Variants in TCF4 observed in about 807,000 individuals in gnomAD.
TCF4 encodes the protein transcription factor 4, also known as SL3-3 enhancer factor 2.
TCF4 carries 3 observed loss-of-function variants against 82.1 expected under a neutral mutation model. The observed-to-expected ratio is 0.04, with a 90% CI of 0.02 to 0.09. The LOEUF (loss-of-function observed/expected upper bound fraction) is 0.09. TCF4 is among the 10% of genes least tolerant of loss of function. TCF4 has a pLI of 1.00. For missense variants in TCF4, 518 were observed against 852.7 expected (o/e 0.61, Z 4.89); for synonymous variants, 276 against 309.6 (o/e 0.89, Z 1.14).
intron 5 of TCF4, among the ~76,000 whole-genome samples, chr18:55,424,733 T>C (rs776746048): frequency 6.6e-6 from 1 of 152,234 alleles, no homozygotes; most frequent in Non-Finnish European, 1.5e-5. Context: ...TCATGTCTTC[T>C]TCCTTAAGTC....
intron 6 of TCF4, among the ~76,000 whole-genome samples, chr18:55,369,974 C>T (rs578033515): frequency 1.2e-3 from 184 of 152,248 alleles, no homozygotes; most frequent in African/African-American, 4.3e-3. Context: ...AGGGAAGCTG[C>T]CACTGCCTCC....
At chr18:55,599,991 G>A (rs1400421619) in intron 2 of TCF4, among the ~76,000 whole-genome samples, 2 of 152,212 alleles carry the variant, frequency 1.3e-5, no homozygotes, top group East Asian at 3.9e-4. Context: ...ACTCCATGTG[G>A]CTTCTGTCAC....
chr18:55,422,105 A>T, intron 5 of TCF4: 1 of 727,068 alleles, frequency 1.4e-6, no homozygotes, highest in African/African-American at 1.9e-5. Flanking sequence ...AAGCACAAAA[A>T]AAAAAAAACC....
intron 2 of TCF4, among the ~76,000 whole-genome samples, chr18:55,616,794 TC>T (rs2097712601): frequency 6.6e-6 from 1 of 152,122 alleles, no homozygotes; most frequent in Non-Finnish European, 1.5e-5. Context: ...AAGTACTTTT[TC>T]TTGCTATTGT....
intron 8 of TCF4, among the ~76,000 whole-genome samples, chr18:55,328,183 A>AT (rs1378595027): frequency 6.6e-6 from 1 of 152,112 alleles, no homozygotes; most frequent in Non-Finnish European, 1.5e-5. Context: ...TCCTTCCTCA[A>AT]TTTTTTGCAA....
At chr18:55,626,663 G>C (rs1464582118) in intron 2 of TCF4, among the ~76,000 whole-genome samples, 2 of 152,158 alleles carry the variant, frequency 1.3e-5, no homozygotes, top group African/African-American at 4.8e-5. Context: ...GCTTGACCAG[G>C]AGTGTAAAAG....
upstream of TCF4, chr18:55,588,494 T>A (rs2097674448): frequency 6.5e-7 from 1 of 1,535,272 alleles, no homozygotes. Flanking sequence ...GATCGTCAGT[T>A]ACAATCTGAA....
chr18:55,615,831 G>C (rs943418209), intron 2 of TCF4, among the ~76,000 whole-genome samples: 1 of 152,016 alleles, frequency 6.6e-6, no homozygotes, highest in Non-Finnish European at 1.5e-5. Flanking sequence ...AACCAGCCTT[G>C]AATTCCTGGA....
chr18:55,341,342 G>A (rs1200388924), intron 8 of TCF4, among the ~76,000 whole-genome samples: 1 of 152,122 alleles, frequency 6.6e-6, no homozygotes, highest in African/African-American at 2.4e-5. Flanking sequence ...CATCTCACAG[G>A]ATTTTTATAG....
In TCF4 at chr18:55,228,370, G is replaced by A; in HGVS notation, c.1880-9C>T. 1 of 1,613,604 alleles carries A rather than the reference G, an allele frequency of 6.2e-7. No individual in the cohort carries two copies. Among genetic ancestry groups the A allele is most frequent in the Middle Eastern group, 1.7e-4 (1 of 6,060 alleles). The stretch of plus-strand genomic sequence containing the variant: ...CGGATTCAGATTCCTTTCTGTGGAG[G>A]ATTAAAGCACAGAACCTTTGTTTAA... On this transcript the variant is annotated splice_polypyrimidine_tract_variant and intron_variant, in intron 18 of 19. Coordinates refer to ENST00000354452, the MANE Select transcript of TCF4 (RefSeq NM_001083962.2).
At chr18:55,449,997 T>C (rs959722067) in intron 5 of TCF4, among the ~76,000 whole-genome samples, 1 of 152,116 alleles carries the variant, frequency 6.6e-6, no homozygotes, top group African/African-American at 2.4e-5. Context: ...GTAGGTGTAA[T>C]AATAATTTGC....
intron 16 of TCF4, chr18:55,234,299 T>C: frequency 1.7e-6 from 1 of 604,086 alleles, no homozygotes; most frequent in Middle Eastern, 4.2e-4. Context: ...CTCTCATCAG[T>C]CTGTGGCCTC....
chr18:55,588,013 G>T (rs184462159), intron 1 of TCF4, 25 bp downstream of exon 1: 6 of 980,740 alleles, frequency 6.1e-6, no homozygotes, highest in Non-Finnish European at 4.8e-6. Flanking sequence ...CCGCCCCGCC[G>T]AGCCCCGCAG....
chr18:55,554,942 G>A (rs897654488), intron 3 of TCF4, among the ~76,000 whole-genome samples: 3 of 152,208 alleles, frequency 2.0e-5, no homozygotes, highest in Non-Finnish European at 4.4e-5. Context: ...GGGATCAACA[G>A]CAGGCTTTTT....
chr18:55,510,586 G>C (rs1430564019), intron 3 of TCF4: 2 of 1,506,934 alleles, frequency 1.3e-6, no homozygotes, highest in East Asian at 2.5e-5. Context: ...TACCTCTGCT[G>C]TCCTCTTCCA....
intron 2 of TCF4, among the ~76,000 whole-genome samples, chr18:55,594,025 G>C (rs2097688348): frequency 6.6e-6 from 1 of 152,144 alleles, no homozygotes; most frequent in Admixed American, 6.5e-5. Context: ...CACACTGTAA[G>C]TCTGAGTCAG....
intron 3 of TCF4, among the ~76,000 whole-genome samples, chr18:55,558,318 A>G (rs1313637480): frequency 6.6e-6 from 1 of 152,228 alleles, no homozygotes; most frequent in Non-Finnish European, 1.5e-5. Flanking sequence ...ATGATGCTGT[A>G]TCTTCCAAAT....
chr18:55,367,351 C>G (rs1195009586), intron 6 of TCF4, among the ~76,000 whole-genome samples: 1 of 152,232 alleles, frequency 6.6e-6, no homozygotes, highest in Non-Finnish European at 1.5e-5. Flanking sequence ...GCCATCCTCC[C>G]TCCTTCTGCA....
At chr18:55,587,771 T>C (rs1172533787) in intron 1 of TCF4, among the ~76,000 whole-genome samples, 3 of 150,238 alleles carry the variant, frequency 2.0e-5, no homozygotes, top group South Asian at 4.2e-4. Flanking sequence ...GCACCCTAAT[T>C]TGTGAAAGAA....
Sources: gnomAD v4.1 joint callset for allele counts (sites outside exome capture counted in the v4.1 genomes callset) on GRCh38, gnomAD v4.1.1 for gene constraint, MANE v1.5 for transcripts, NCBI Gene and HGNC (gene_info 2026-07-23, HGNC 2026-07-21) for gene names.